Variants in TNRC18 observed in about 807,000 individuals in gnomAD.
The protein encoded by TNRC18 is trinucleotide repeat-containing gene 18 protein.
A neutral mutation model predicts 226.7 loss-of-function variants in TNRC18; 69 were observed. The ratio of observed to expected loss-of-function variants is 0.30; its 90% CI spans 0.25 to 0.37. TNRC18 has a LOEUF of 0.37. TNRC18 is among the 10% of genes least tolerant of loss of function. The pLI is 1.00. For missense variants in TNRC18, 4,754 were observed against 4,256.6 expected (o/e 1.12, Z -3.25); for synonymous variants, 2,449 against 1,927.6 (o/e 1.27, Z -7.09).
intron 15 of TNRC18, among the ~76,000 whole-genome samples, chr7:5,358,666 C>T (rs534935974): frequency 4.1e-4 from 63 of 152,194 alleles, no homozygotes; most frequent in Middle Eastern, 6.8e-3. Context: ...ATACAAAAAT[C>T]AGCTGGACAT....
In TNRC18 at chr7:5,361,886, G is replaced by A. The variant is rs1793093233; in HGVS notation, c.4532+11C>T. On this transcript the variant is annotated intron_variant, in intron 13 of 29. Coordinates refer to ENST00000430969, the MANE Select transcript of TNRC18 (RefSeq NM_001080495.3). ...CAGGGGCCCCACGGGGCGGGCGGGGGACACACTCACTCGGAGTCCCGGCGG... is the reference window on the plus strand; with the variant it reads ...CAGGGGCCCCACGGGGCGGGCGGGGAACACACTCACTCGGAGTCCCGGCGG... 1.9e-6 allele frequency: 3 copies of A among 1,547,226 alleles called. No homozygotes were observed. Among genetic ancestry groups the A allele is most frequent in the Admixed American group, 2.0e-5 (1 of 50,760 alleles).
intron 19 of TNRC18, among the ~76,000 whole-genome samples, chr7:5,330,556 T>C (rs1200335950): frequency 6.6e-6 from 1 of 151,990 alleles, no homozygotes; most frequent in Non-Finnish European, 1.5e-5. Flanking sequence ...TGTCCATATG[T>C]GAGCCACCTA....
intron 8 of TNRC18, among the ~76,000 whole-genome samples, chr7:5,376,606 C>A (rs552997758): frequency 5.9e-5 from 9 of 152,328 alleles, no homozygotes. Context: ...GGAATCCCAG[C>A]CCCCACCCAG....
chr7:5,391,231 G>T (rs1013167393), intron 3 of TNRC18, among the ~76,000 whole-genome samples: 1 of 151,926 alleles, frequency 6.6e-6, no homozygotes, highest in Non-Finnish European at 1.5e-5. Flanking sequence ...CTCCCACCAA[G>T]GATCCTCCCC....
At chr7:5,315,245 G>A in intron 25 of TNRC18, 97 bp from the exon 26 acceptor site, 2 of 1,340,274 alleles carry the variant, frequency 1.5e-6, no homozygotes, top group South Asian at 1.5e-5. Flanking sequence ...GATGGGGGCG[G>A]AAGCAACCGA....
chr7:5,403,436 A>C (rs62443194), intron 2 of TNRC18, among the ~76,000 whole-genome samples: 9 of 151,884 alleles, frequency 5.9e-5, no homozygotes, highest in African/African-American at 1.9e-4. Context: ...TTGGGATTAC[A>C]GGCGTGAGCC....
chr7:5,311,030 G>C (rs559328824), intron 27 of TNRC18, among the ~76,000 whole-genome samples: 188 of 152,392 alleles, frequency 1.2e-3, no homozygotes, highest in Non-Finnish European at 1.5e-3. Context: ...TTGTGTACGT[G>C]TGCAAGTGTG....
Position 5,312,829 on chromosome 7 carries a change from C to T in TNRC18, c.8062G>A (p.Ala2688Thr), listed in dbSNP as rs112698757. 114 of 1,530,592 alleles carry T rather than the reference C, an allele frequency of 7.4e-5. No homozygotes were observed. Among genetic ancestry groups the T allele is most frequent in the Non-Finnish European group, 9.2e-5 (105 of 1,140,980 alleles). The allele number at this position is 1,530,592 out of a possible 1,614,324, so 94.8% of individuals were successfully genotyped here. The change falls in exon 27 of 30, where the codon GCC (alanine) becomes ACC (threonine). Residue 2688 changes from alanine to threonine, a missense_variant. Transcript: ENST00000430969. The surrounding 1 kb of genome is among the most constrained non-coding windows in gnomAD (Gnocchi z 6.3). Reference protein sequence around the residue: ...SCSSDDEAAPAPTAGPSAQAA... With the variant: ...SCSSDDEAAPTPTAGPSAQAA... ...TGCGCGGAAGGGCCAGCCGTGGGGG[C>T]GGGGGCTGCCTCATCGTCCGAGCTG...
At chr7:5,390,745 G>A (rs976856672) in intron 3 of TNRC18, 117 bp from the exon 4 acceptor site, 69 of 1,206,608 alleles carry the variant, frequency 5.7e-5, no homozygotes, top group Middle Eastern at 5.7e-4. Flanking sequence ...AGGGCGCCTT[G>A]AGGTTTAACA....
chr7:5,333,817 G>A (rs946408156), intron 18 of TNRC18, among the ~76,000 whole-genome samples: 6 of 152,090 alleles, frequency 3.9e-5, no homozygotes, highest in Non-Finnish European at 5.9e-5. Flanking sequence ...CCCACAACCC[G>A]GGAAGTCCTC....
chr7:5,336,922 T>C (rs974948970), intron 18 of TNRC18, among the ~76,000 whole-genome samples: 3 of 152,286 alleles, frequency 2.0e-5, no homozygotes, highest in Non-Finnish European at 2.9e-5. Flanking sequence ...AAATGTATGT[T>C]AAACAGGAAA....
chr7:5,373,912 G>A (rs1389119062), intron 10 of TNRC18, 143 bp downstream of exon 10: 6 of 593,916 alleles, frequency 1.0e-5, no homozygotes, highest in East Asian at 6.9e-5. Flanking sequence ...TTGTCTCAGT[G>A]TCTGGCGGCA....
intron 2 of TNRC18, among the ~76,000 whole-genome samples, chr7:5,408,251 A>G (rs1781608031): frequency 1.3e-5 from 2 of 150,006 alleles, no homozygotes; most frequent in Non-Finnish European, 3.0e-5. Context: ...GCGAGCTGAG[A>G]TCGTGCCACT....
chr7:5,339,283 A>G (rs372917469), intron 18 of TNRC18, among the ~76,000 whole-genome samples: 2 of 146,834 alleles, frequency 1.4e-5, no homozygotes, highest in African/African-American at 5.0e-5. Context: ...TCTATTGCCC[A>G]GGCTGAAGTA....
intron 18 of TNRC18, among the ~76,000 whole-genome samples, chr7:5,343,593 TTC>T (rs1286891548): frequency 6.6e-6 from 1 of 152,132 alleles, no homozygotes; most frequent in Non-Finnish European, 1.5e-5. Context: ...TGGCTAATTT[TTC>T]TGTTTATTTT....
intron 3 of TNRC18, among the ~76,000 whole-genome samples, chr7:5,390,916 AAG>A (rs150093901): frequency 0.17 from 26,447 of 151,814 alleles, 3,826 homozygotes; most frequent in African/African-American, 0.39. Flanking sequence ...AAACATGACC[AAG>A]AGCTTTGCCA....
At chr7:5,358,320 G>C (rs906306000) in intron 15 of TNRC18, among the ~76,000 whole-genome samples, 12 of 152,240 alleles carry the variant, frequency 7.9e-5, no homozygotes, top group Admixed American at 2.6e-4. Context: ...TAATGCCCCA[G>C]GTTTGAACAT....
rs1583777957 is a variant in TNRC18 at position 5,325,480 on chromosome 7, G to A, written c.6148-232C>T. The A allele has an allele frequency of 6.3e-6, 3 of 472,810 alleles. No individual in the cohort carries two copies. In the East Asian group the frequency reaches 1.3e-4, roughly 21 times the overall value. 29.3% of individuals were successfully genotyped at this position (472,810 alleles called of 1,614,324 possible). On this transcript the variant is annotated intron_variant, in intron 19 of 29. Coordinates refer to ENST00000430969, the MANE Select transcript of TNRC18 (RefSeq NM_001080495.3). ...GCTCTGTCACCGAGGCTGGAGCGCA[G>A]TGGCGCGATCTTGGCTCACTGCAAG...
At chr7:5,404,983 C>T (rs769158860) in intron 2 of TNRC18, among the ~76,000 whole-genome samples, 9 of 151,900 alleles carry the variant, frequency 5.9e-5, no homozygotes, top group Non-Finnish European at 4.4e-5. Flanking sequence ...CTGGGTGTGG[C>T]TGCATGCGCC....
Sources: gnomAD v4.1 joint callset for allele counts (sites outside exome capture counted in the v4.1 genomes callset) on GRCh38, gnomAD v4.1.1 for gene constraint, Gnocchi (gnomAD v3.1) non-coding constraint, MANE v1.5 for transcripts, NCBI Gene and HGNC (gene_info 2026-07-23, HGNC 2026-07-21) for gene names.